The following GABRA5 variants were observed in gnomAD, a reference collection of about 807,000 sequenced individuals.
The protein encoded by GABRA5 is gamma-aminobutyric acid type A receptor subunit alpha5, also known as gamma-aminobutyric acid receptor subunit alpha-5.
In GABRA5, 18 loss-of-function variants were observed where a neutral mutation model predicts 47.3. That is an observed-to-expected ratio of 0.38 (90% CI 0.26 to 0.56). The LOEUF is 0.56. Among genes scored for constraint, GABRA5 ranks in the 20% least tolerant of loss-of-function variants. GABRA5 has a pLI of 0.71. For synonymous variants in GABRA5, 237 were observed against 229.3 expected, an observed-to-expected ratio of 1.03 and a Z score of -0.30; for missense variants, 365 against 599.3, an observed-to-expected ratio of 0.61 and a Z score of 4.08.
In GABRA5 at chr15:26,893,584, C is replaced by T. The variant is rs908331905; in HGVS notation, c.497+10027C>T. The stretch of plus-strand genomic sequence containing the variant: ...CGGGCTGCCTAGGGCTCCCCTTCCT[C>T]TGCCTCGTGTCCTTCCCGCTCGCCC... On this transcript the variant is annotated intron_variant, in intron 6 of 10. Coordinates refer to ENST00000335625, the MANE Select transcript of GABRA5 (RefSeq NM_000810.4). Among the ~76,000 whole-genome samples the T allele has an allele frequency of 7.2e-5, 11 of 152,066 alleles. No individual in the cohort carries two copies. The South Asian group carries it at 1.9e-3, about 26-fold the overall frequency.
intron 6 of GABRA5, among the ~76,000 whole-genome samples, chr15:26,907,928 G>T (rs750000649): frequency 2.0e-5 from 3 of 152,130 alleles, no homozygotes; most frequent in African/African-American, 4.8e-5. Context: ...ATACATCCGT[G>T]CATTCTTTTC....
At position 26,912,559 on chromosome 15, in the gene GABRA5, G is replaced by T. The variant is rs142077634; in HGVS notation, c.498-2244G>T. Among the ~76,000 whole-genome samples, 414 of 152,200 alleles carry T rather than the reference G, an allele frequency of 2.7e-3. 1 individual carries two copies. The highest frequency in any genetic ancestry group is 9.6e-3 in the African/African-American group (398 of 41,524). Reference sequence around the variant, plus strand: ...TTATGATTGAAGAGGTCAATTGCAGGTTATTTATCAGGTAAAATAATATAA... The same window carrying T: ...TTATGATTGAAGAGGTCAATTGCAGTTTATTTATCAGGTAAAATAATATAA... On this transcript the variant is annotated intron_variant, in intron 6 of 10. Transcript: ENST00000335625.
chr15:26,877,663 C>A (rs1268745025), intron 3 of GABRA5: 16 of 455,226 alleles, frequency 3.5e-5, no homozygotes, highest in Non-Finnish European at 6.6e-5. Flanking sequence ...ATTTTTTCTT[C>A]TCCAGAAATG....
At chr15:26,910,243 A>C (rs2140289131) in intron 6 of GABRA5, among the ~76,000 whole-genome samples, 1 of 152,164 alleles carries the variant, frequency 6.6e-6, no homozygotes, top group African/African-American at 2.4e-5. Context: ...CTCTTTCTTG[A>C]GTTTAGGACC....
intron 3 of GABRA5, among the ~76,000 whole-genome samples, chr15:26,880,122 T>C (rs1892691916): frequency 6.6e-6 from 1 of 152,224 alleles, no homozygotes; most frequent in African/African-American, 2.4e-5. Context: ...GTTCTGCTCA[T>C]ATTACATAAG....
intron 6 of GABRA5, among the ~76,000 whole-genome samples, chr15:26,899,504 C>A (rs2140278069): frequency 6.6e-6 from 1 of 152,270 alleles, no homozygotes; most frequent in Non-Finnish European, 1.5e-5. Flanking sequence ...TCTAGATACT[C>A]TACTCATTAT....
chr15:26,938,618 G>A (rs556269787), intron 8 of GABRA5, among the ~76,000 whole-genome samples: 1 of 152,286 alleles, frequency 6.6e-6, no homozygotes, highest in East Asian at 1.9e-4. Flanking sequence ...AGGAGACAAA[G>A]ACTTGGATCA....
intron 7 of GABRA5, among the ~76,000 whole-genome samples, chr15:26,935,894 T>G (rs900069532): frequency 4.6e-5 from 7 of 152,204 alleles, no homozygotes; most frequent in African/African-American, 1.4e-4. Context: ...GCACACTGTT[T>G]AGGTGAATGT....
chr15:26,881,884 G>A (rs111619402), intron 4 of GABRA5, among the ~76,000 whole-genome samples: 20,101 of 152,060 alleles, frequency 0.13, 1,444 homozygotes, highest in African/African-American at 0.18. Context: ...GTTTTTAGTA[G>A]AGATGGGGTT....
intron 6 of GABRA5, among the ~76,000 whole-genome samples, chr15:26,903,494 T>C (rs1247758603): frequency 2.6e-5 from 4 of 152,166 alleles, no homozygotes; most frequent in Non-Finnish European, 4.4e-5. Context: ...GCTGGGTCAA[T>C]GATATTTCTG....
At chr15:26,889,372 CTT>C (rs111749908) in intron 6 of GABRA5, among the ~76,000 whole-genome samples, 2 of 145,190 alleles carry the variant, frequency 1.4e-5, no homozygotes, top group African/African-American at 5.0e-5. Flanking sequence ...GAGCCACTGT[CTT>C]TTTTTTTTTT....
chr15:26,921,821 A>G (rs1209822007), intron 7 of GABRA5, among the ~76,000 whole-genome samples: 1 of 152,106 alleles, frequency 6.6e-6, no homozygotes, highest in African/African-American at 2.4e-5. Context: ...ATGTATTTCT[A>G]AATTTCCCTT....
At position 26,918,246 on chromosome 15, in the gene GABRA5, TTTC is replaced by T. The variant is rs981216074; in HGVS notation, c.580+3367_580+3369del. On this transcript the variant is annotated intron_variant, in intron 7 of 10. Transcript: ENST00000335625. ...AGGTATCTTCTAAGTTCCCCTTTGA[TTTC>T]TTCTTTGGCCCATTGGTTGTACAAA... Among the ~76,000 whole-genome samples the T allele has an allele frequency of 1.9e-4, 29 of 152,300 alleles. No individual in the cohort carries two copies. In the East Asian group the frequency reaches 3.5e-3, roughly 18 times the overall value.
intron 7 of GABRA5, among the ~76,000 whole-genome samples, chr15:26,931,048 A>T (rs1894094889): frequency 6.6e-6 from 1 of 151,568 alleles, no homozygotes; most frequent in Non-Finnish European, 1.5e-5. Context: ...GGCACCTGCC[A>T]CAATGCCCCG....
At chr15:26,886,992 C>T (rs552561110) in intron 6 of GABRA5, among the ~76,000 whole-genome samples, 7 of 152,190 alleles carry the variant, frequency 4.6e-5, no homozygotes, top group Non-Finnish European at 1.0e-4. Flanking sequence ...ATAGGAATCA[C>T]CAAAGCACGA....
intron 7 of GABRA5, among the ~76,000 whole-genome samples, chr15:26,932,475 G>A (rs1360067590): frequency 2.0e-5 from 3 of 152,206 alleles, no homozygotes; most frequent in Admixed American, 1.3e-4. Flanking sequence ...ACAGATGCTG[G>A]TGAGACTGTG....
intron 3 of GABRA5, chr15:26,877,613 C>CGT (rs1426969542): frequency 3.1e-5 from 14 of 452,672 alleles, no homozygotes; most frequent in African/African-American, 2.6e-4. Context: ...TCACACACTG[C>CGT]CTTCACTAGC....
chr15:26,937,959 G>C (rs1894286999), intron 8 of GABRA5, among the ~76,000 whole-genome samples: 2 of 152,222 alleles, frequency 1.3e-5, no homozygotes, highest in South Asian at 4.1e-4. Flanking sequence ...GGTCACCAGG[G>C]GTGCTGTGAG....
intron 6 of GABRA5, among the ~76,000 whole-genome samples, chr15:26,913,790 C>T (rs1595419523): frequency 6.6e-6 from 1 of 152,086 alleles, no homozygotes; most frequent in African/African-American, 2.4e-5. Flanking sequence ...AGTGTGGCGG[C>T]TCTGGGAGTG....
Sources: gnomAD v4.1 joint callset for allele counts (sites outside exome capture counted in the v4.1 genomes callset) on GRCh38, gnomAD v4.1.1 for gene constraint, MANE v1.5 for transcripts, NCBI Gene and HGNC (gene_info 2026-07-23, HGNC 2026-07-21) for gene names.